Variants in FBXW2 observed in about 807,000 individuals in gnomAD.
The protein encoded by FBXW2 is F-box/WD repeat-containing protein 2.
In FBXW2, 12 loss-of-function variants were observed where a neutral mutation model predicts 46.0. The ratio of observed to expected loss-of-function variants is 0.26; its 90% confidence interval spans 0.17 to 0.42. FBXW2 has a LOEUF of 0.42. Among genes scored for constraint, FBXW2 ranks in the 10% least tolerant of loss-of-function variants. FBXW2 has a pLI of 1.00. For missense variants in FBXW2, 360 were observed against 537.0 expected (o/e 0.67, Z 3.26); for synonymous variants, 203 against 209.6 (o/e 0.97, Z 0.27).
At chr9:120,774,002 G>A (rs1352887634) in intron 5 of FBXW2, among the ~76,000 whole-genome samples, 2 of 151,894 alleles carry the variant, frequency 1.3e-5, no homozygotes, top group East Asian at 1.9e-4. Context: ...ACCAGCCTGG[G>A]CAACACAGCA....
In FBXW2 at chr9:120,778,406, G is replaced by A; in HGVS notation, c.630C>T (p.Cys210=). The A allele has an allele frequency of 6.2e-7, 1 of 1,613,322 alleles. No homozygotes were observed. Among genetic ancestry groups the A allele is most frequent in the Non-Finnish European group, 8.5e-7 (1 of 1,179,808 alleles). The part of the protein sequence containing the change: ...VTGSFDNTVA[C]WEWSSGARTQ... ...TCCTGGCTCCGGAACTCCATTCCCAGCAAGCCACAGTGTTGTCAAAGGAGC... is the reference window on the plus strand; with the variant it reads ...TCCTGGCTCCGGAACTCCATTCCCAACAAGCCACAGTGTTGTCAAAGGAGC... Residue 210 remains cysteine (C), a synonymous_variant, in exon 4 of 8, where the codon TGC becomes TGT. Coordinates refer to ENST00000608872, the MANE Select transcript of FBXW2 (RefSeq NM_012164.4).
At chr9:120,790,260 G>A (rs146176229) in intron 2 of FBXW2, among the ~76,000 whole-genome samples, 260 of 152,182 alleles carry the variant, frequency 1.7e-3, no homozygotes, top group African/African-American at 6.0e-3. Context: ...GGGCTCGGCC[G>A]GATCACGAGG....
rs368778140 is a variant in FBXW2 at position 120,788,197 on chromosome 9, G to A, written c.62C>T (p.Thr21Met). The change falls in exon 3 of 8, where the codon ACG (threonine) becomes ATG (methionine). Residue 21 changes from threonine (T) to methionine (M), a missense_variant. Transcript: ENST00000608872. ...DNISVTFLSLTDLQKNETLDH... is the reference protein window; with the variant it reads ...DNISVTFLSLMDLQKNETLDH... Reference sequence around the variant, plus strand: ...CAGAGTTTCATTTTTCTGCAAGTCCGTCAGAGAAAGAAATGTAACAGAAAT... The same window carrying A: ...CAGAGTTTCATTTTTCTGCAAGTCCATCAGAGAAAGAAATGTAACAGAAAT... The A allele has an allele frequency of 6.4e-5, 104 of 1,613,926 alleles. No homozygotes were observed. Among genetic ancestry groups the A allele is most frequent in the Non-Finnish European group, 8.2e-5 (97 of 1,179,994 alleles).
intron 3 of FBXW2, among the ~76,000 whole-genome samples, chr9:120,784,709 C>T (rs2044683190): frequency 6.6e-6 from 1 of 151,880 alleles, no homozygotes; most frequent in Non-Finnish European, 1.5e-5. Flanking sequence ...CATCTGAGAT[C>T]AGGAGTTTGA....
chr9:120,773,240 G>A (rs1203807181), intron 5 of FBXW2, among the ~76,000 whole-genome samples: 1 of 151,020 alleles, frequency 6.6e-6, no homozygotes, highest in Non-Finnish European at 1.5e-5. Flanking sequence ...CTTAGCATTC[G>A]TCTAGAAGCA....
At chr9:120,791,596 T>C (rs1177066965) in intron 2 of FBXW2, among the ~76,000 whole-genome samples, 1 of 152,222 alleles carries the variant, frequency 6.6e-6, no homozygotes. Flanking sequence ...TATGAACACC[T>C]GGCAGTAAAG....
intron 3 of FBXW2, 26 bp from the exon 4 acceptor site, chr9:120,778,571 A>G (rs762845666): frequency 1.9e-6 from 3 of 1,599,640 alleles, no homozygotes; most frequent in Admixed American, 3.4e-5. Flanking sequence ...AGGGAGGTTA[A>G]TAAGAAAACA....
Position 120,772,773 on chromosome 9 carries a change from G to C in FBXW2, c.887C>G (p.Ala296Gly). Reference protein sequence around the residue: ...HSPGDYILLSADKYEIKIWPI... With the variant: ...HSPGDYILLSGDKYEIKIWPI... ...ACTCACCTTAATCTCATATTTGTCT[G>C]CACTTAAGAGGATGTAGTCTCCAGG... The change falls in exon 6 of 8, where the codon GCA (alanine) becomes GGA (glycine). Residue 296 changes from alanine to glycine, a missense_variant. Transcript: ENST00000608872. 1 of 1,567,484 alleles carries C rather than the reference G, an allele frequency of 6.4e-7. No homozygotes were observed. Among genetic ancestry groups the C allele is most frequent in the Non-Finnish European group, 8.6e-7 (1 of 1,165,110 alleles).
intron 7 of FBXW2, among the ~76,000 whole-genome samples, chr9:120,765,247 A>G (rs2044255075): frequency 6.6e-6 from 1 of 152,042 alleles, no homozygotes; most frequent in South Asian, 2.1e-4. Context: ...GACGGCTGCC[A>G]CTGCACCTGG....
At chr9:120,780,441 T>C (rs969552187) in intron 3 of FBXW2, among the ~76,000 whole-genome samples, 8 of 152,086 alleles carry the variant, frequency 5.3e-5, no homozygotes, top group African/African-American at 1.9e-4. Context: ...ATGTAATCAA[T>C]ACAAATATTG....
intron 2 of FBXW2, 142 bp downstream of exon 2, chr9:120,793,007 A>C: frequency 3.3e-6 from 5 of 1,504,536 alleles, no homozygotes; most frequent in Non-Finnish European, 4.5e-6. Context: ...CTGTTAACTC[A>C]TTTCGCAGCT....
intron 3 of FBXW2, among the ~76,000 whole-genome samples, chr9:120,785,806 G>A (rs2044707618): frequency 1.3e-5 from 2 of 152,004 alleles, no homozygotes; most frequent in African/African-American, 4.8e-5. Flanking sequence ...GATCACCTGA[G>A]GTCAGGAGTT....
rs554525355 is a variant in FBXW2 at position 120,764,425 on chromosome 9, G to C, written c.*134C>G. ...GAGCCCTGGCCCCTGGCAAAACATA[G>C]ATAAATGATTGTGCACTGCGTGATG... On this transcript the variant is annotated 3_prime_UTR_variant, in exon 8 of 8. Coordinates refer to ENST00000608872, the MANE Select transcript of FBXW2 (RefSeq NM_012164.4). 1.9e-6 allele frequency: 2 copies of C among 1,034,470 alleles called. No individual in the cohort carries two copies. Among genetic ancestry groups the C allele is most frequent in the East Asian group, 4.8e-5 (2 of 41,438 alleles). 64.1% of individuals were successfully genotyped at this position (1,034,470 alleles called of 1,614,324 possible).
At chr9:120,776,047 C>T in intron 5 of FBXW2, 46 bp downstream of exon 5, 1 of 1,606,916 alleles carries the variant, frequency 6.2e-7, no homozygotes, top group South Asian at 1.1e-5. Flanking sequence ...CCACGCCCTC[C>T]CTCAAAAAGC....
At position 120,761,098 on chromosome 9, in the gene FBXW2, G is replaced by C. The variant is rs1384521614; in HGVS notation, c.*3461C>G. The stretch of plus-strand genomic sequence containing the variant: ...TCTTCCAAGTCCAGTCCTTCCACTG[G>C]AGGGGCTTTCTTCCTATTTCTCCAA... On this transcript the variant is annotated 3_prime_UTR_variant, in exon 8 of 8. Transcript: ENST00000608872. 1.3e-5 allele frequency: 2 copies of C among 152,200 alleles called. No homozygotes were observed. The highest frequency in any genetic ancestry group is 4.8e-5 in the African/African-American group (2 of 41,456). 9.4% of individuals were successfully genotyped at this position (152,200 alleles called of 1,614,324 possible).
rs1427756909 is a variant in FBXW2, at chr9:120,759,998, T to G, written c.*4561A>C. The G allele has an allele frequency of 6.6e-6, 1 of 152,248 alleles. No individual in the cohort carries two copies. The highest frequency in any genetic ancestry group is 1.5e-5 in the Non-Finnish European group (1 of 68,048). The allele number at this position is 152,248 out of a possible 1,614,324, so 9.4% of individuals were successfully genotyped here. On this transcript the variant is annotated 3_prime_UTR_variant, in exon 8 of 8. Coordinates refer to ENST00000608872, the MANE Select transcript of FBXW2 (RefSeq NM_012164.4). The stretch of plus-strand genomic sequence containing the variant: ...TTCCTAGAGCAGGCATGGGGAACCT[T>G]TGATCAGAAACACTGCCAAAGATGG...
In FBXW2 at chr9:120,772,859, TTAC is replaced by T; in HGVS notation, c.820-22_820-20del. ...AAACTACCTGCAAATGTAAACCATG[TTAC>T]GGAAAGATCCTTTTAATGCTGCTCC... is the stretch of plus-strand genomic sequence containing the variant. On this transcript the variant is annotated intron_variant, in intron 5 of 7. Coordinates refer to ENST00000608872, the MANE Select transcript of FBXW2 (RefSeq NM_012164.4). 2 of 1,559,364 alleles carry T rather than the reference TTAC, an allele frequency of 1.3e-6. No individual in the cohort carries two copies. Among genetic ancestry groups the T allele is most frequent in the Non-Finnish European group, 1.8e-6 (2 of 1,131,972 alleles).
intron 5 of FBXW2, among the ~76,000 whole-genome samples, chr9:120,773,659 C>G (rs1366564758): frequency 6.6e-6 from 1 of 152,218 alleles, no homozygotes. Flanking sequence ...AGGGTTCACT[C>G]ATTCAGAAGT....
At chr9:120,767,555 T>C (rs142784265) in intron 7 of FBXW2, among the ~76,000 whole-genome samples, 3 of 152,180 alleles carry the variant, frequency 2.0e-5, no homozygotes, top group Admixed American at 2.0e-4. Context: ...TGATAACTCA[T>C]CCATCATTTT....
Sources: gnomAD v4.1 joint callset for allele counts (sites outside exome capture counted in the v4.1 genomes callset) on GRCh38, gnomAD v4.1.1 for gene constraint, MANE v1.5 for transcripts, NCBI Gene and HGNC (gene_info 2026-07-23, HGNC 2026-07-21) for gene names.